SPRED2: variants seen among roughly 807,000 people sequenced by gnomAD.
The protein encoded by SPRED2 is sprouty-related, EVH1 domain-containing protein 2.
SPRED2 carries 47 observed loss-of-function variants against 43.0 expected under a neutral mutation model. That is an observed-to-expected ratio of 1.09 (90% CI 0.87 to 1.40). The LOEUF is 1.40. SPRED2 is among the 40% of genes most tolerant of loss of function. The pLI is 0.00. For synonymous variants in SPRED2, 225 were observed against 225.7 expected (o/e 1.00, Z 0.03); for missense variants, 561 against 586.4 (o/e 0.96, Z 0.45).
intron 4 of SPRED2, among the ~76,000 whole-genome samples, chr2:65,318,420 G>T (rs1275071098): frequency 1.3e-5 from 2 of 151,608 alleles, no homozygotes; most frequent in African/African-American, 2.4e-5. Context: ...GCTATCCAGG[G>T]GCCTTGTTAG....
intron 1 of SPRED2, among the ~76,000 whole-genome samples, chr2:65,430,638 A>G (rs1181137347): frequency 6.6e-6 from 1 of 152,018 alleles, no homozygotes; most frequent in Non-Finnish European, 1.5e-5. Flanking sequence ...GGGCCTCCGG[A>G]GCACGCCTTC....
intron 1 of SPRED2, chr2:65,377,472 C>A: frequency 2.4e-6 from 1 of 422,048 alleles, no homozygotes; most frequent in South Asian, 1.7e-5. Flanking sequence ...TTGCCGACCC[C>A]CCAAAGCCTC....
chr2:65,355,341 G>A (rs1482431267), intron 1 of SPRED2, among the ~76,000 whole-genome samples: 2 of 152,138 alleles, frequency 1.3e-5, no homozygotes, highest in East Asian at 3.8e-4. Context: ...GACATTCAAG[G>A]CATGTGTCAG....
chr2:65,326,183 G>C (rs866475383), intron 4 of SPRED2, among the ~76,000 whole-genome samples: 2 of 152,108 alleles, frequency 1.3e-5, no homozygotes, highest in East Asian at 3.8e-4. Flanking sequence ...CCTTTTGCAA[G>C]GGATTCTCAT....
chr2:65,420,355 C>A (rs1179209882), intron 1 of SPRED2, among the ~76,000 whole-genome samples: 2 of 152,150 alleles, frequency 1.3e-5, no homozygotes, highest in South Asian at 4.1e-4. Flanking sequence ...TTTTTAGTAC[C>A]CCTTTTGGGG....
Position 65,310,897 on chromosome 2 carries a change from G to A in SPRED2, c.*2604C>T, listed in dbSNP as rs540152361. 80 of 985,338 alleles carry A rather than the reference G, an allele frequency of 8.1e-5. No individual in the cohort carries two copies. Among genetic ancestry groups the A allele is most frequent in the Middle Eastern group, 1.0e-3 (2 of 1,914 alleles). 61.0% of individuals were successfully genotyped at this position (985,338 alleles called of 1,614,324 possible). ...TTACACGGTACATTTTAAAGCAATG[G>A]CTACATTGGTCATACATATTAGAAA... On this transcript the variant is annotated 3_prime_UTR_variant, in exon 6 of 6. Transcript: ENST00000356388.
At chr2:65,388,289 A>G (rs1675548945) in intron 1 of SPRED2, among the ~76,000 whole-genome samples, 1 of 152,232 alleles carries the variant, frequency 6.6e-6, no homozygotes, top group African/African-American at 2.4e-5. Flanking sequence ...TGAGCCCTCA[A>G]GGTAGAGATC....
chr2:65,422,077 AACACACACAC>A (rs367817858), intron 1 of SPRED2, among the ~76,000 whole-genome samples: 3 of 127,668 alleles, frequency 2.3e-5, no homozygotes, highest in Admixed American at 1.6e-4. Context: ...TTGTATGTAC[AACACACACAC>A]ACACACACAC....
chr2:65,380,608 T>A (rs1675349713), intron 1 of SPRED2: 2 of 152,224 alleles, frequency 1.3e-5, no homozygotes, highest in African/African-American at 4.8e-5. Flanking sequence ...AATCTACCTT[T>A]ACAAGATAAA....
At chr2:65,431,915 C>A in intron 1 of SPRED2, 47 bp downstream of exon 1, 2 of 1,607,376 alleles carry the variant, frequency 1.2e-6, no homozygotes, top group Middle Eastern at 1.7e-4. Flanking sequence ...CCGGCCCCCA[C>A]GCTGCCCCTG....
rs766731154 is a variant in SPRED2 at position 65,314,147 on chromosome 2, T to C, written c.611A>G (p.Gln204Arg). 1.3e-6 allele frequency: 2 copies of C among 1,599,320 alleles called. No individual in the cohort carries two copies. Among genetic ancestry groups the C allele is most frequent in the East Asian group, 2.3e-5 (1 of 44,430 alleles). ...LDQPMPRPYRQVSFPDDDEEI... is the reference protein window; with the variant it reads ...LDQPMPRPYRRVSFPDDDEEI... ...CTCGTCGTCGTCCGGGAAGCTCACC[T>C]GGCGGTAGGGCCTTGGCATCGGCTG... Residue 204 changes from glutamine (Q) to arginine (R), a missense_variant, in exon 6 of 6, where the codon CAG (glutamine) becomes CGG (arginine). By Grantham distance (43) the Gln-to-Arg change is conservative (BLOSUM62 1). Transcript: ENST00000356388.
chr2:65,344,763 G>C lies in SPRED2; in HGVS notation c.160C>G (p.Arg54Gly). 1.2e-6 allele frequency: 2 copies of C among 1,614,150 alleles called. No individual in the cohort carries two copies. Among genetic ancestry groups the C allele is most frequent in the Non-Finnish European group, 1.7e-6 (2 of 1,180,012 alleles). The change falls in exon 2 of 6, where the codon CGA becomes GGA. Residue 54 changes from arginine to glycine, a missense_variant. Around this residue, in one of 6 missense-constraint regions of SPRED2, gnomAD observed 305 missense variants for 282.4 expected, o/e 1.08. Transcript: ENST00000356388. ...TCACCATGGATGAGAAAGCCGCTTC[G>C]TCCATTGCCTTCGGGGTGCATGACC... is the stretch of plus-strand genomic sequence containing the variant. ...CKVMHPEGNG[R>G]SGFLIHGERQ... is the part of the protein sequence containing the mutation.
In SPRED2 at chr2:65,358,262, T is replaced by C. The variant is rs181277313; in HGVS notation, c.27-13366A>G. Among the ~76,000 whole-genome samples, 25 of 152,102 alleles carry C rather than the reference T, an allele frequency of 1.6e-4. No individual in the cohort carries two copies. In the East Asian group the frequency reaches 4.8e-3, roughly 29 times the overall value. Reference sequence around the variant, plus strand: ...TGAAAAAGCAAGAAAATGATGAAAATTGAGTTTTAATAAGTTTAATAAGAT... The same window carrying C: ...TGAAAAAGCAAGAAAATGATGAAAACTGAGTTTTAATAAGTTTAATAAGAT... On this transcript the variant is annotated intron_variant, in intron 1 of 5. Coordinates refer to ENST00000356388, the MANE Select transcript of SPRED2 (RefSeq NM_181784.3).
At chr2:65,367,652 T>C (rs1285388112) in intron 1 of SPRED2, among the ~76,000 whole-genome samples, 1 of 152,160 alleles carries the variant, frequency 6.6e-6, no homozygotes, top group Non-Finnish European at 1.5e-5. Flanking sequence ...TGCATCAACC[T>C]CCTGAACAAA....
intron 1 of SPRED2, among the ~76,000 whole-genome samples, chr2:65,422,104 A>ACACACACACACACACTCTCT (rs1299857849): frequency 7.4e-4 from 96 of 129,018 alleles, no homozygotes; most frequent in Middle Eastern, 8.8e-3. Flanking sequence ...ACACACACAC[A>ACACACACACACACACTCTCT]CTCTCTCTCT....
intron 1 of SPRED2, among the ~76,000 whole-genome samples, chr2:65,386,752 C>G (rs1184893752): frequency 1.3e-5 from 2 of 152,208 alleles, no homozygotes; most frequent in African/African-American, 4.8e-5. Context: ...TCTGTATATT[C>G]AGAGCACTCT....
intron 1 of SPRED2, among the ~76,000 whole-genome samples, chr2:65,364,893 T>G (rs1415909964): frequency 6.6e-6 from 1 of 152,190 alleles, no homozygotes; most frequent in Non-Finnish European, 1.5e-5. Context: ...AAGTGAACCC[T>G]AAGTTGAGTG....
At chr2:65,396,561 G>A (rs1402032625) in intron 1 of SPRED2, among the ~76,000 whole-genome samples, 2 of 152,242 alleles carry the variant, frequency 1.3e-5, no homozygotes, top group Non-Finnish European at 2.9e-5. Context: ...GCAAAGGCAA[G>A]AGGGAGTTCC....
Position 65,432,161 on chromosome 2 carries a change from T to G in SPRED2, c.-174A>C. The G allele has an allele frequency of 1.3e-6, 1 of 773,638 alleles. No individual in the cohort carries two copies. The highest frequency in any genetic ancestry group is 1.6e-5 in the South Asian group (1 of 60,950). 47.9% of individuals were successfully genotyped at this position (773,638 alleles called of 1,614,324 possible). A position where few individuals can be genotyped will look rare whatever the true frequency, so the allele number is the denominator to read the frequency against. The stretch of plus-strand genomic sequence containing the variant: ...GGGGAAGCAGGGCGCGGGATAGGGT[T>G]TGGGGGAAGGGGTGCAAAGGCAGGC... On this transcript the variant is annotated 5_prime_UTR_variant, in exon 1 of 6. Coordinates refer to ENST00000356388, the MANE Select transcript of SPRED2 (RefSeq NM_181784.3).
Sources: allele counts gnomAD v4.1 joint callset (sites outside exome capture counted in the v4.1 genomes callset), GRCh38; gene constraint gnomAD v4.1.1; regional missense constraint gnomAD v4.1.1; transcripts MANE v1.5; gene names NCBI Gene and HGNC (gene_info 2026-07-23, HGNC 2026-07-21).